The following CAPN7 variants were observed in gnomAD, a reference collection of about 807,000 sequenced individuals.
The protein encoded by CAPN7 is calpain 7.
CAPN7 carries 72 observed loss-of-function variants against 115.2 expected under a neutral mutation model. The ratio of observed to expected loss-of-function variants is 0.63; its 90% CI spans 0.52 to 0.76. CAPN7 has a LOEUF of 0.76. Among genes scored for constraint, CAPN7 ranks in the 30% least tolerant of loss-of-function variants. CAPN7 has a pLI of 0.00. For missense variants in CAPN7, 905 were observed against 971.5 expected, an observed-to-expected ratio of 0.93 and a Z score of 0.91; for synonymous variants, 344 against 322.3, an observed-to-expected ratio of 1.07 and a Z score of -0.72.
At chr3:15,225,168 C>A (rs1399409618) in intron 6 of CAPN7, among the ~76,000 whole-genome samples, 1 of 152,144 alleles carries the variant, frequency 6.6e-6, no homozygotes, top group Non-Finnish European at 1.5e-5. Flanking sequence ...AGGTTACCTG[C>A]TAGAAAAATC....
In CAPN7 at chr3:15,206,605, C is replaced by T. The variant is rs1006255708; in HGVS notation, c.102+8C>T. On this transcript the variant is annotated splice_region_variant and intron_variant, in intron 1 of 20. Coordinates refer to ENST00000253693, the MANE Select transcript of CAPN7 (RefSeq NM_014296.3). ...GCGGTGTTTTATTACAAGGTAGGGC[C>T]GGGCCCGGCGCTTCGGTCGGAGTTG... 1.9e-6 allele frequency: 3 copies of T among 1,539,030 alleles called. No individual in the cohort carries two copies. Among genetic ancestry groups the T allele is most frequent in the Non-Finnish European group, 2.6e-6 (3 of 1,140,616 alleles).
rs1020957180 is a variant in CAPN7, at chr3:15,215,250, T to TA, written c.212-2174dup. ...GAGTTTAAGGCCAGCCTGGGCAACCTAGTGAGACCGTGTATTTAAAAAAAA... is the reference window on the plus strand; with the variant it reads ...GAGTTTAAGGCCAGCCTGGGCAACCTAAGTGAGACCGTGTATTTAAAAAAAA... On this transcript the variant is annotated intron_variant, in intron 2 of 20. Coordinates refer to ENST00000253693, the MANE Select transcript of CAPN7 (RefSeq NM_014296.3). Among the ~76,000 whole-genome samples, 25 of 152,226 alleles carry TA rather than the reference T, an allele frequency of 1.6e-4. No individual in the cohort carries two copies. In the South Asian group the frequency reaches 2.7e-3, roughly 16 times the overall value.
chr3:15,233,799 A>G (rs1694833104), intron 10 of CAPN7, 68 bp from the exon 11 acceptor site: 1 of 820,178 alleles, frequency 1.2e-6, no homozygotes, highest in Non-Finnish European at 2.1e-6. Flanking sequence ...GTGAGATGTA[A>G]TAGCTGCTCT....
intron 7 of CAPN7, among the ~76,000 whole-genome samples, chr3:15,228,457 A>G (rs1235191957): frequency 6.6e-6 from 1 of 152,230 alleles, no homozygotes; most frequent in Non-Finnish European, 1.5e-5. Context: ...AAGACATGGA[A>G]TCAACCTAAA....
At chr3:15,234,074 G>A in intron 11 of CAPN7, 101 bp downstream of exon 11, 3 of 609,958 alleles carry the variant, frequency 4.9e-6, no homozygotes, top group Non-Finnish European at 8.5e-6. Flanking sequence ...CCAGCACTAT[G>A]GGAGGCCAAG....
intron 12 of CAPN7, among the ~76,000 whole-genome samples, chr3:15,238,849 A>ATTTTTTT (rs59838740): frequency 9.0e-4 from 102 of 113,964 alleles, no homozygotes; most frequent in African/African-American, 1.1e-3. Context: ...GCAAAATCAA[A>ATTTTTTT]TTTTTTTTTT....
chr3:15,224,461 C>T lies in CAPN7; in HGVS notation c.725+900C>T, dbSNP rs534182363. 2.6e-5 allele frequency among the ~76,000 whole-genome samples: 4 copies of T among 151,884 alleles called. No homozygotes were observed. The East Asian group carries it at 5.8e-4, about 22-fold the overall frequency. On this transcript the variant is annotated intron_variant, in intron 6 of 20. Transcript: ENST00000253693. Reference sequence around the variant, plus strand: ...CTAATTTTTGTATTTTTGGTAGAGACGAGATTTTACCATTTTGGCCAGGCT... The same window carrying T: ...CTAATTTTTGTATTTTTGGTAGAGATGAGATTTTACCATTTTGGCCAGGCT...
At position 15,251,516 on chromosome 3, in the gene CAPN7, A is replaced by G; in HGVS notation, c.*256A>G. ...GCTTGCATTTTAGGGGCCATTTTGT[A>G]TAAAAAGTGCATATGATTAAAATTA... is the stretch of plus-strand genomic sequence containing the variant. On this transcript the variant is annotated 3_prime_UTR_variant, in exon 21 of 21. Transcript: ENST00000253693. 2 of 293,496 alleles carry G rather than the reference A, an allele frequency of 6.8e-6. No homozygotes were observed. The highest frequency in any genetic ancestry group is 2.2e-4 in the South Asian group (2 of 8,904). 18.2% of individuals were successfully genotyped at this position (293,496 alleles called of 1,614,324 possible).
chr3:15,233,434 T>A (rs1209964364), intron 10 of CAPN7, among the ~76,000 whole-genome samples: 1 of 152,220 alleles, frequency 6.6e-6, no homozygotes, highest in African/African-American at 2.4e-5. Flanking sequence ...ATACTTTCAA[T>A]TGCTCTATCC....
intron 12 of CAPN7, among the ~76,000 whole-genome samples, chr3:15,238,108 C>CTTTTTTTTT (rs34203410): frequency 6.9e-5 from 4 of 58,190 alleles, no homozygotes; most frequent in Non-Finnish European, 1.2e-4. Flanking sequence ...ATTCTGACTT[C>CTTTTTTTTT]TTTTTTTTTT....
At position 15,252,430 on chromosome 3, in the gene CAPN7, GATT is replaced by G. The variant is rs2125025954; in HGVS notation, c.*1175_*1177del. On this transcript the variant is annotated 3_prime_UTR_variant, in exon 21 of 21. Coordinates refer to ENST00000253693, the MANE Select transcript of CAPN7 (RefSeq NM_014296.3). ...TCTGTTCTTTAACAGAGTAGTGGTA[GATT>G]ATTACACTAATGAGATTTCACTTTG... 1 of 152,652 alleles carries G rather than the reference GATT, an allele frequency of 6.6e-6. No individual in the cohort carries two copies. The highest frequency in any genetic ancestry group is 2.1e-4 in the South Asian group (1 of 4,828). 9.5% of individuals were successfully genotyped at this position (152,652 alleles called of 1,614,324 possible). A position where few individuals can be genotyped will look rare whatever the true frequency, so the allele number is the denominator to read the frequency against.
chr3:15,225,577 G>A (rs1375868043), intron 6 of CAPN7, among the ~76,000 whole-genome samples: 1 of 152,132 alleles, frequency 6.6e-6, no homozygotes, highest in East Asian at 1.9e-4. Flanking sequence ...AGTAAAATAC[G>A]TAGCCATGCA....
intron 1 of CAPN7, among the ~76,000 whole-genome samples, chr3:15,206,865 G>A (rs911983401): frequency 6.6e-6 from 1 of 152,266 alleles, no homozygotes; most frequent in African/African-American, 2.4e-5. Flanking sequence ...AGCCGCTTTG[G>A]GGGGCAGGTG....
At chr3:15,216,679 A>AG (rs1426683801) in intron 2 of CAPN7, among the ~76,000 whole-genome samples, 1 of 152,168 alleles carries the variant, frequency 6.6e-6, no homozygotes, top group Non-Finnish European at 1.5e-5. Context: ...TTGTCTGTGC[A>AG]GAAAAAAAAG....
At chr3:15,235,399 A>C (rs1694927348) in intron 12 of CAPN7, among the ~76,000 whole-genome samples, 2 of 152,236 alleles carry the variant, frequency 1.3e-5, no homozygotes, top group African/African-American at 4.8e-5. Context: ...TTTTCCATAA[A>C]ACCAGCAGTT....
chr3:15,229,121 C>A, intron 8 of CAPN7, 62 bp downstream of exon 8: 1 of 1,199,704 alleles, frequency 8.3e-7, no homozygotes, highest in South Asian at 1.2e-5. Flanking sequence ...AAATTTAAAA[C>A]TTAAGCCTTA....
At chr3:15,250,388 G>T (rs540722018) in intron 19 of CAPN7, among the ~76,000 whole-genome samples, 6 of 151,920 alleles carry the variant, frequency 3.9e-5, no homozygotes, top group Non-Finnish European at 2.9e-5. Flanking sequence ...TAAAAAAGAG[G>T]TCGGGCGCAG....
At chr3:15,213,281 A>T (rs1361959195) in intron 2 of CAPN7, among the ~76,000 whole-genome samples, 1 of 152,212 alleles carries the variant, frequency 6.6e-6, no homozygotes, top group Admixed American at 6.5e-5. Flanking sequence ...GTTTACTTCC[A>T]TGATCTCCTT....
chr3:15,239,031 T>C (rs1695184908), intron 12 of CAPN7, among the ~76,000 whole-genome samples: 1 of 151,990 alleles, frequency 6.6e-6, no homozygotes, highest in Admixed American at 6.6e-5. Context: ...TTTTAGGAAG[T>C]GTTGAGAGTC....
Sources: allele counts gnomAD v4.1 joint callset (sites outside exome capture counted in the v4.1 genomes callset), GRCh38; gene constraint gnomAD v4.1.1; transcripts MANE v1.5; gene names NCBI Gene and HGNC (gene_info 2026-07-23, HGNC 2026-07-21).